AEBP2: variants seen among roughly 807,000 people sequenced by gnomAD.
AEBP2 encodes AE binding protein 2.
In AEBP2, 10 loss-of-function variants were observed where a neutral mutation model predicts 50.8. The ratio of observed to expected loss-of-function variants is 0.20; its 90% CI spans 0.12 to 0.33. The LOEUF (loss-of-function observed/expected upper bound fraction) is 0.33. Ranked by LOEUF, AEBP2 falls within the 10% of genes least tolerant of loss-of-function variation. The pLI is 1.00. For synonymous variants in AEBP2, 296 were observed against 261.3 expected (o/e 1.13, Z -1.28); for missense variants, 570 against 688.0 (o/e 0.83, Z 1.92).
At chr12:19,459,256 G>C (rs1037025171) in intron 1 of AEBP2, among the ~76,000 whole-genome samples, 2 of 151,750 alleles carry the variant, frequency 1.3e-5, no homozygotes, top group Non-Finnish European at 2.9e-5. Context: ...TTTTGAGACA[G>C]AGTCTCGCTC....
At chr12:19,440,625 C>T in intron 1 of AEBP2, 1 of 1,501,130 alleles carries the variant, frequency 6.7e-7, no homozygotes, top group South Asian at 1.2e-5. Context: ...CTTCGCTCCT[C>T]ACGGACCTCA....
At chr12:19,477,091 G>A (rs1948659324) in intron 3 of AEBP2, among the ~76,000 whole-genome samples, 1 of 152,112 alleles carries the variant, frequency 6.6e-6, no homozygotes, top group African/African-American at 2.4e-5. Flanking sequence ...TAGGGGTTAA[G>A]TTCTTTAGTT....
rs527954863 is a variant in AEBP2 at position 19,429,364 on chromosome 12, A to G, written c.-17+25148A>G. The stretch of plus-strand genomic sequence containing the variant: ...GGTGTATATGTGCCACATTTTCTTA[A>G]TCCAGTCTATCACTGGTGGACATTT... On this transcript the variant is annotated intron_variant, in intron 1 of 3. Transcript: ENST00000538425. Among the ~76,000 whole-genome samples, 467 of 152,140 alleles carry G rather than the reference A, an allele frequency of 3.1e-3. 1 individual carries two copies. Among genetic ancestry groups the G allele is most frequent in the African/African-American group, 0.011 (460 of 41,514 alleles).
intron 6 of AEBP2, among the ~76,000 whole-genome samples, chr12:19,513,818 A>C (rs1386924029): frequency 6.6e-6 from 1 of 151,998 alleles, no homozygotes; most frequent in East Asian, 1.9e-4. Flanking sequence ...TGATTAATCC[A>C]AATATCAAAA....
intron 1 of AEBP2, chr12:19,457,196 GT>G (rs1948284329): frequency 3.1e-6 from 5 of 1,597,876 alleles, no homozygotes; most frequent in Non-Finnish European, 4.2e-6. Flanking sequence ...ACAATTAGTT[GT>G]TTCACACCCA....
At position 19,518,570 on chromosome 12, in the gene AEBP2, A is replaced by G; in HGVS notation, c.*453A>G. ...TGTCTTGACAGTGTTTATTGATTTG[A>G]AGTCATATTAGGAAATATTTAGACA... On this transcript the variant is annotated 3_prime_UTR_variant, in exon 8 of 8. Transcript: ENST00000266508. 7.4e-7 allele frequency: 1 copy of G among 1,349,930 alleles called. No individual in the cohort carries two copies. The highest frequency in any genetic ancestry group is 9.7e-7 in the Non-Finnish European group (1 of 1,032,310). 83.6% of individuals were successfully genotyped at this position (1,349,930 alleles called of 1,614,324 possible).
At chr12:19,509,072 C>A in intron 5 of AEBP2, 1 of 579,506 alleles carries the variant, frequency 1.7e-6, no homozygotes, top group South Asian at 1.7e-5. Flanking sequence ...TGGAGGGGTT[C>A]GTGCTGTGAG....
chr12:19,457,265 C>T, intron 1 of AEBP2: 1 of 1,587,882 alleles, frequency 6.3e-7, no homozygotes, highest in Non-Finnish European at 8.6e-7. Context: ...ATACCAGCTT[C>T]AAATTCACCA....
intron 1 of AEBP2, among the ~76,000 whole-genome samples, chr12:19,448,078 A>G (rs1035369659): frequency 6.6e-6 from 1 of 152,018 alleles, no homozygotes; most frequent in East Asian, 1.9e-4. Flanking sequence ...ACATTTTTTT[A>G]TTTTTGAAAA....
chr12:19,417,851 T>G (rs1384804227), intron 1 of AEBP2, among the ~76,000 whole-genome samples: 3 of 151,400 alleles, frequency 2.0e-5, no homozygotes, highest in African/African-American at 7.3e-5. Flanking sequence ...ACTATAGGCA[T>G]GTGCCACCAC....
chr12:19,407,994 T>C (rs2095737229), intron 1 of AEBP2, among the ~76,000 whole-genome samples: 1 of 150,678 alleles, frequency 6.6e-6, no homozygotes, highest in African/African-American at 2.4e-5. Context: ...GAGGTTATAG[T>C]GAGCTGAGAT....
At chr12:19,472,650 T>A (rs1184286681) in intron 2 of AEBP2, among the ~76,000 whole-genome samples, 1 of 152,138 alleles carries the variant, frequency 6.6e-6, no homozygotes, top group East Asian at 1.9e-4. Context: ...TATGTCATAA[T>A]CGAGATAGAA....
intron 2 of AEBP2, among the ~76,000 whole-genome samples, chr12:19,463,555 G>T (rs908170247): frequency 6.6e-6 from 1 of 151,574 alleles, no homozygotes; most frequent in Admixed American, 6.6e-5. Flanking sequence ...AAGTTAGTGG[G>T]TAACTGTTTC....
chr12:19,408,422 A>G (rs1417698465), intron 1 of AEBP2, among the ~76,000 whole-genome samples: 2 of 151,808 alleles, frequency 1.3e-5, no homozygotes, highest in East Asian at 2.0e-4. Context: ...TTAGCTGAGC[A>G]TGGTGGTGCA....
At chr12:19,426,687 T>C (rs894783754) in intron 1 of AEBP2, among the ~76,000 whole-genome samples, 1 of 152,124 alleles carries the variant, frequency 6.6e-6, no homozygotes, top group Non-Finnish European at 1.5e-5. Context: ...GAGGGTCACC[T>C]GAGGTCAGGA....
At chr12:19,483,003 G>T (rs373372692) in intron 3 of AEBP2, among the ~76,000 whole-genome samples, 1 of 152,098 alleles carries the variant, frequency 6.6e-6, no homozygotes, top group Admixed American at 6.6e-5. Flanking sequence ...TTCAGACCTC[G>T]CCCCTCCCCG....
intron 1 of AEBP2, among the ~76,000 whole-genome samples, chr12:19,458,159 A>G (rs1029152132): frequency 3.3e-5 from 5 of 152,240 alleles, no homozygotes; most frequent in East Asian, 1.9e-4. Context: ...TATCTAGCTC[A>G]GGGTCCTGTC....
intron 3 of AEBP2, among the ~76,000 whole-genome samples, chr12:19,477,549 ACATGATTTT>A (rs1487158253): frequency 1.3e-5 from 2 of 152,164 alleles, no homozygotes; most frequent in Non-Finnish European, 2.9e-5. Context: ...TATTGAGATC[ACATGATTTT>A]CAGTTCTTTT....
intron 7 of AEBP2, among the ~76,000 whole-genome samples, chr12:19,515,305 A>G (rs953712721): frequency 6.6e-6 from 1 of 152,184 alleles, no homozygotes; most frequent in Non-Finnish European, 1.5e-5. Context: ...ATGTGGGGGA[A>G]GGAGAAGAGA....
Sources: gnomAD v4.1 joint callset for allele counts (sites outside exome capture counted in the v4.1 genomes callset) on GRCh38, gnomAD v4.1.1 for gene constraint, MANE v1.5 for transcripts, NCBI Gene and HGNC (gene_info 2026-07-23, HGNC 2026-07-21) for gene names.